The following SYNM variants were observed in gnomAD, a reference collection of about 807,000 sequenced individuals.
SYNM encodes synemin, also known as desmuslin.
SYNM carries 95 observed loss-of-function variants against 104.0 expected under a neutral mutation model. The observed-to-expected ratio is 0.91, with a 90% CI of 0.77 to 1.08. The LOEUF (loss-of-function observed/expected upper bound fraction) is 1.08, where lower values mean the gene tolerates loss of function less well. SYNM is among the 50% of genes least tolerant of loss of function. SYNM has a pLI of 0.00. For missense variants in SYNM, 2,150 were observed against 2,052.2 expected, an observed-to-expected ratio of 1.05 and a Z score of -0.92; for synonymous variants, 918 against 869.0, an observed-to-expected ratio of 1.06 and a Z score of -0.99.
chr15:99,130,753 C>T lies in SYNM; in HGVS notation c.2393C>T (p.Ser798Leu). The change falls in exon 4 of 4, where the codon TCA (serine) becomes TTA (leucine). Residue 798 changes from serine to leucine, a missense_variant. Physicochemically the swap from Ser to Leu is moderately radical, Grantham distance 145. Transcript: ENST00000336292. The stretch of plus-strand genomic sequence containing the variant: ...TATGGAGAAAGCGATGTCACATTCT[C>T]AGTTAATCAGCATCGAAGGACCAAG... ...EGYGESDVTF[S>L]VNQHRRTKQP... The T allele has an allele frequency of 6.2e-7, 1 of 1,613,954 alleles. No homozygotes were observed. Among genetic ancestry groups the T allele is most frequent in the South Asian group, 1.1e-5 (1 of 91,072 alleles).
chr15:99,117,077 C>G lies in SYNM; in HGVS notation c.935+3362C>G, dbSNP rs1249542451. ...ACGAAGCCATTGATGAGCGATCCCC[C>G]CCATAACCCAAACACCTTCCTCTAG... On this transcript the variant is annotated intron_variant, in intron 2 of 3. Coordinates refer to ENST00000336292, the MANE Select transcript of SYNM (RefSeq NM_145728.3). Among the ~76,000 whole-genome samples, 3 of 139,202 alleles carry G rather than the reference C, an allele frequency of 2.2e-5. 1 individual carries two copies. The highest frequency in any genetic ancestry group is 4.8e-5 in the Non-Finnish European group (3 of 62,562). The allele number at this position is 139,202 out of a possible 152,430, so 91.3% of individuals were successfully genotyped here.
In SYNM at chr15:99,133,316, T is replaced by G; in HGVS notation, c.*258T>G. On this transcript the variant is annotated 3_prime_UTR_variant, in exon 4 of 4. Coordinates refer to ENST00000336292, the MANE Select transcript of SYNM (RefSeq NM_145728.3). Reference sequence around the variant, plus strand: ...ACACTTTTTTCCCTGGAGTCTTCTCTCCACTTCTGGAGATGAATTTCTATG... The same window carrying G: ...ACACTTTTTTCCCTGGAGTCTTCTCGCCACTTCTGGAGATGAATTTCTATG... 1 of 537,134 alleles carries G rather than the reference T, an allele frequency of 1.9e-6. No homozygotes were observed. The highest frequency in any genetic ancestry group is 2.4e-5 in the South Asian group (1 of 41,136). The allele number at this position is 537,134 out of a possible 1,614,324, so 33.3% of individuals were successfully genotyped here. A position where few individuals can be genotyped will look rare whatever the true frequency, so the allele number is the denominator to read the frequency against.
rs782120693 is a variant in SYNM, at chr15:99,105,882, G to T, written c.683G>T (p.Arg228Leu). The T allele has an allele frequency of 1.9e-6, 3 of 1,538,870 alleles. No individual in the cohort carries two copies. The highest frequency in any genetic ancestry group is 2.8e-5 in the African/African-American group (2 of 72,252). ...AGACTCCAGGCGGAGGAAGAGACGC[G>T]GCTGTGCGCGCAGGAGGCAGAGGCG... ...ESRLQAEEET[R>L]LCAQEAEALR... is the part of the protein sequence containing the mutation. Residue 228 changes from arginine (R) to leucine (L), a missense_variant, in exon 1 of 4, where the codon CGG (arginine) becomes CTG (leucine). By Grantham distance (102) the Arg-to-Leu change is moderately radical. Coordinates refer to ENST00000336292, the MANE Select transcript of SYNM (RefSeq NM_145728.3).
At chr15:99,117,198 T>C (rs183655560) in intron 2 of SYNM, among the ~76,000 whole-genome samples, 2 of 152,138 alleles carry the variant, frequency 1.3e-5, no homozygotes, top group African/African-American at 4.8e-5. Context: ...GTACAGCTGG[T>C]CCACATGGCG....
In SYNM at chr15:99,117,668, C is replaced by G. The variant is rs1390370366; in HGVS notation, c.935+3953C>G. 3.3e-5 allele frequency among the ~76,000 whole-genome samples: 5 copies of G among 152,160 alleles called. No homozygotes were observed. The East Asian group carries it at 9.6e-4, about 29-fold the overall frequency. On this transcript the variant is annotated intron_variant, in intron 2 of 3. Coordinates refer to ENST00000336292, the MANE Select transcript of SYNM (RefSeq NM_145728.3). ...CTCTTTTCTTCCCTACTTCGTCCTG[C>G]CCCCTGTTCTCCATCCTGAAAAGCC... is the stretch of plus-strand genomic sequence containing the variant.
chr15:99,106,420 G>T (rs1179338551), intron 1 of SYNM, among the ~76,000 whole-genome samples: 3 of 152,154 alleles, frequency 2.0e-5, no homozygotes, highest in Non-Finnish European at 4.4e-5. Context: ...GCTTATGGTA[G>T]CCCCGCTGTC....
downstream of SYNM, chr15:99,139,775 T>G (rs1377278339): frequency 2.4e-5 from 31 of 1,297,050 alleles, no homozygotes; most frequent in Non-Finnish European, 3.0e-5. Flanking sequence ...TAGTTTTGTT[T>G]TTTTTGTAAA....
chr15:99,115,432 T>TTA (rs1555483826), intron 2 of SYNM, among the ~76,000 whole-genome samples: 1 of 150,130 alleles, frequency 6.7e-6, no homozygotes, highest in Non-Finnish European at 1.5e-5. Context: ...TTTTTTATTA[T>TTA]TTTTTATTTT....
intron 2 of SYNM, among the ~76,000 whole-genome samples, chr15:99,126,240 C>T (rs925230557): frequency 6.6e-6 from 1 of 152,216 alleles, no homozygotes. Context: ...GTGTCAGTCC[C>T]TGCCGTCTCC....
At chr15:99,127,224 AAGAG>A (rs1419632689) in intron 3 of SYNM, among the ~76,000 whole-genome samples, 2 of 152,154 alleles carry the variant, frequency 1.3e-5, no homozygotes, top group African/African-American at 4.8e-5. Context: ...CCCTAACAGG[AAGAG>A]AGATGGGAAT....
At chr15:99,126,354 C>A (rs2067447311) in intron 2 of SYNM, among the ~76,000 whole-genome samples, 1 of 152,236 alleles carries the variant, frequency 6.6e-6, no homozygotes, top group South Asian at 2.1e-4. Flanking sequence ...CCACATCTCT[C>A]CAGTGCCCCC....
Position 99,116,963 on chromosome 15 carries a change from C to T in SYNM, c.935+3248C>T, listed in dbSNP as rs1449974682. On this transcript the variant is annotated intron_variant, in intron 2 of 3. Coordinates refer to ENST00000336292, the MANE Select transcript of SYNM (RefSeq NM_145728.3). ...GTGCTGGGATTACAGGCATGAGCCC[C>T]TGTGCCTAGCCGGTGCTGGGTTCTT... 1.4e-5 allele frequency among the ~76,000 whole-genome samples: 2 copies of T among 144,044 alleles called. 1 individual carries two copies. The highest frequency in any genetic ancestry group is 5.0e-5 in the African/African-American group (2 of 40,294). 94.5% of individuals were successfully genotyped at this position (144,044 alleles called of 152,430 possible). A position where few individuals can be genotyped will look rare whatever the true frequency, so the allele number is the denominator to read the frequency against.
Position 99,133,163 on chromosome 15 carries a change from T to C in SYNM, c.*105T>C, listed in dbSNP as rs1012406513. ...CGAGGGAGTCTATGAAAATCTCCCC[T>C]TTTTTACTTTTTTAAAGAGTACTCC... On this transcript the variant is annotated 3_prime_UTR_variant, in exon 4 of 4. Coordinates refer to ENST00000336292, the MANE Select transcript of SYNM (RefSeq NM_145728.3). 1 of 1,507,650 alleles carries C rather than the reference T, an allele frequency of 6.6e-7. No homozygotes were observed. The highest frequency in any genetic ancestry group is 8.8e-7 in the Non-Finnish European group (1 of 1,136,620). 93.4% of individuals were successfully genotyped at this position (1,507,650 alleles called of 1,614,324 possible).
intron 1 of SYNM, among the ~76,000 whole-genome samples, chr15:99,109,086 A>G (rs1238939618): frequency 2.0e-5 from 3 of 152,146 alleles, no homozygotes; most frequent in East Asian, 3.9e-4. Flanking sequence ...GCCTCTGGCT[A>G]TAGCTTCTGT....
chr15:99,132,674 AG>A lies in SYNM; in HGVS notation c.4316del (p.Gly1439AlafsTer3). On this transcript the variant is annotated frameshift_variant, in exon 4 of 4. Transcript: ENST00000336292. LOFTEE classifies it high-confidence loss of function. ...CTGGTTCAGCGGACTCCCCTGAGCT[AG>A]GCAAGTTAGCAGACAGCAGCAGAAC... is the stretch of plus-strand genomic sequence containing the variant. ...LAGSADSPELGKLADSSRTLR... is the reference protein window; with the variant it reads ...LAGSADSPELXKLADSSRTLR... The A allele has an allele frequency of 6.2e-7, 1 of 1,614,028 alleles. No individual in the cohort carries two copies. Among genetic ancestry groups the A allele is most frequent in the South Asian group, 1.1e-5 (1 of 91,078 alleles).
intron 2 of SYNM, among the ~76,000 whole-genome samples, chr15:99,120,049 T>A (rs1003283247): frequency 2.6e-5 from 4 of 152,218 alleles, no homozygotes; most frequent in Non-Finnish European, 1.5e-5. Context: ...GCAATTTTTA[T>A]AGCTTCACCA....
chr15:99,106,952 T>TA (rs1177771907), intron 1 of SYNM, among the ~76,000 whole-genome samples: 1 of 152,214 alleles, frequency 6.6e-6, no homozygotes, highest in Non-Finnish European at 1.5e-5. Context: ...GACTGACTTT[T>TA]AAAAATTAGA....
At chr15:99,129,283 G>C in intron 3 of SYNM, 84 bp from the exon 4 acceptor site, 1 of 1,527,364 alleles carries the variant, frequency 6.5e-7, no homozygotes, top group East Asian at 2.3e-5. Context: ...TGATGGAATG[G>C]GATTTGGCCT....
intron 3 of SYNM, 93 bp downstream of exon 3, chr15:99,126,885 G>T: frequency 8.9e-7 from 1 of 1,128,454 alleles, no homozygotes; most frequent in East Asian, 2.7e-5. Flanking sequence ...GGAAGAACGG[G>T]TTAGATATGG....
Sources: gnomAD v4.1 joint callset for allele counts (sites outside exome capture counted in the v4.1 genomes callset) on GRCh38, gnomAD v4.1.1 for gene constraint, MANE v1.5 for transcripts, NCBI Gene and HGNC (gene_info 2026-07-23, HGNC 2026-07-21) for gene names.